Variants in LRCH2 observed in about 807,000 individuals in gnomAD.
LRCH2 encodes leucine-rich repeat and calponin homology domain-containing protein 2.
In LRCH2, 38 loss-of-function variants were observed where a neutral mutation model predicts 68.9. The ratio of observed to expected loss-of-function variants is 0.55; its 90% CI spans 0.43 to 0.72. LRCH2 has a LOEUF of 0.72. Ranked by LOEUF, LRCH2 falls within the 30% of genes least tolerant of loss-of-function variation. The pLI, the probability that LRCH2 is intolerant of heterozygous loss-of-function variation, is 0.00. For missense variants in LRCH2, 528 were observed against 572.9 expected (o/e 0.92, Z 0.80); for synonymous variants, 191 against 208.1 (o/e 0.92, Z 0.71).
In LRCH2 at chrX:115,166,242, A is replaced by C; in HGVS notation, c.1086+13T>G. 1 of 1,132,140 alleles carries C rather than the reference A, an allele frequency of 8.8e-7. No homozygotes were observed. The highest frequency in any genetic ancestry group is 1.9e-5 in the South Asian group (1 of 52,693). 93.3% of individuals were successfully genotyped at this position (1,132,140 alleles called of 1,213,427 possible). A position where few individuals can be genotyped will look rare whatever the true frequency, so the allele number is the denominator to read the frequency against. ...TTGTAAAACAGAATGGATCAGCAAT[A>C]GAAAATACTCACTTCTGTTGTGGAT... On this transcript the variant is annotated intron_variant, in intron 7 of 20. Coordinates refer to ENST00000317135, the MANE Select transcript of LRCH2 (RefSeq NM_020871.4).
intron 1 of LRCH2, among the ~76,000 whole-genome samples, chrX:115,210,944 A>T (rs1161522031): frequency 4.5e-5 from 5 of 111,929 alleles, no homozygotes; most frequent in African/African-American, 1.6e-4. Context: ...TCCCATTTGG[A>T]ATGGCTGTAT....
intron 1 of LRCH2, among the ~76,000 whole-genome samples, chrX:115,225,814 CAT>C (rs201041837): frequency 0.053 from 5,894 of 111,752 alleles, 396 homozygotes; most frequent in African/African-American, 0.18. Context: ...ACAGGAAAGA[CAT>C]ATGACCAACA....
At chrX:115,217,453 C>T (rs995907226) in intron 1 of LRCH2, among the ~76,000 whole-genome samples, 2 of 111,029 alleles carry the variant, frequency 1.8e-5, no homozygotes, top group African/African-American at 3.3e-5. Flanking sequence ...TGTTCAACTC[C>T]CACTTATGAG....
intron 1 of LRCH2, among the ~76,000 whole-genome samples, chrX:115,228,302 A>G (rs1240819840): frequency 2.7e-5 from 3 of 111,746 alleles, no homozygotes; most frequent in Non-Finnish European, 5.6e-5. Context: ...ATAACTGATT[A>G]TAAGAGTATT....
chrX:115,141,186 C>T (rs1287194054), intron 14 of LRCH2, among the ~76,000 whole-genome samples: 1 of 105,649 alleles, frequency 9.5e-6, no homozygotes, highest in African/African-American at 3.5e-5. Context: ...TGCAGTGAGC[C>T]GAGATCACGC....
chrX:115,208,152 T>A (rs1290782729), intron 1 of LRCH2, among the ~76,000 whole-genome samples: 1 of 112,521 alleles, frequency 8.9e-6, no homozygotes, highest in Non-Finnish European at 1.9e-5. Context: ...AAGTTTGTGA[T>A]AATTTGTTAT....
At chrX:115,118,348 C>T (rs1228490572) in intron 20 of LRCH2, among the ~76,000 whole-genome samples, 1 of 110,134 alleles carries the variant, frequency 9.1e-6, no homozygotes, top group Non-Finnish European at 1.9e-5. Flanking sequence ...CACCACTGAT[C>T]CCACAGAAAA....
Position 115,112,315 on chromosome X carries a change from T to C in LRCH2, c.*901A>G, listed in dbSNP as rs2072049432. 8.9e-6 allele frequency: 1 copy of C among 112,073 alleles called. No homozygotes were observed. Among genetic ancestry groups the C allele is most frequent in the South Asian group, 3.7e-4 (1 of 2,722 alleles). 9.2% of individuals were successfully genotyped at this position (112,073 alleles called of 1,213,427 possible). A position where few individuals can be genotyped will look rare whatever the true frequency, so the allele number is the denominator to read the frequency against. ...TTCTCAAAAACTTTACTGCTTTGTGTAACATTTTCAATACAGAAATAAAAT... is the reference window on the plus strand; with the variant it reads ...TTCTCAAAAACTTTACTGCTTTGTGCAACATTTTCAATACAGAAATAAAAT... On this transcript the variant is annotated 3_prime_UTR_variant, in exon 21 of 21. Coordinates refer to ENST00000317135, the MANE Select transcript of LRCH2 (RefSeq NM_020871.4).
rs2072552280 is a variant in LRCH2, at chrX:115,165,552, A to C, written c.1296+6T>G. The C allele has an allele frequency of 8.8e-7, 1 of 1,130,730 alleles. No individual in the cohort carries two copies. Among genetic ancestry groups the C allele is most frequent in the Admixed American group, 2.7e-5 (1 of 37,080 alleles). 93.2% of individuals were successfully genotyped at this position (1,130,730 alleles called of 1,213,427 possible). On this transcript the variant is annotated splice_donor_region_variant and intron_variant, in intron 9 of 20. Transcript: ENST00000317135. Reference sequence around the variant, plus strand: ...GTTATTAATATTTGTTCAAAGTTTTATTTACCTTAAAGAATGATACAAATG... The same window carrying C: ...GTTATTAATATTTGTTCAAAGTTTTCTTTACCTTAAAGAATGATACAAATG...
intron 11 of LRCH2, among the ~76,000 whole-genome samples, chrX:115,162,612 G>A (rs1475482787): frequency 1.8e-5 from 2 of 111,690 alleles, no homozygotes; most frequent in Non-Finnish European, 3.8e-5. Context: ...TAGCAACTGT[G>A]CAAAAAAGAC....
At chrX:115,120,429 A>G (rs2072127837) in intron 20 of LRCH2, among the ~76,000 whole-genome samples, 1 of 87,608 alleles carries the variant, frequency 1.1e-5, no homozygotes, top group African/African-American at 4.4e-5. Context: ...AATGTTCATC[A>G]TCACTGGCCA....
chrX:115,133,873 T>C (rs2072266754), intron 14 of LRCH2, among the ~76,000 whole-genome samples: 1 of 111,831 alleles, frequency 8.9e-6, no homozygotes, highest in African/African-American at 3.3e-5. Flanking sequence ...AAAGAAATAG[T>C]ATGTCTTTCC....
At chrX:115,135,117 TCTTTC>T (rs1435779100) in intron 14 of LRCH2, among the ~76,000 whole-genome samples, 7 of 104,779 alleles carry the variant, frequency 6.7e-5, no homozygotes, top group Non-Finnish European at 1.2e-4. Flanking sequence ...CCTTTTCTTT[TCTTTC>T]TTTTTTTTTT....
rs971532877 is a variant in LRCH2, at chrX:115,221,947, A to G, written c.349+11746T>C. Reference sequence around the variant, plus strand: ...AGAAGGATATTAACAGGAAAAAAAAAAAAAAAGAAAAACCCTGAGGCATCG... The same window carrying G: ...AGAAGGATATTAACAGGAAAAAAAAGAAAAAAGAAAAACCCTGAGGCATCG... On this transcript the variant is annotated intron_variant, in intron 1 of 20. Transcript: ENST00000317135. Among the ~76,000 whole-genome samples the G allele has an allele frequency of 7.3e-5, 8 of 110,198 alleles. 1 individual carries two copies. The highest frequency in any genetic ancestry group is 3.9e-4 in the South Asian group (1 of 2,579).
chrX:115,170,484 T>A, intron 5 of LRCH2, 52 bp from the exon 6 acceptor site: 1 of 946,014 alleles, frequency 1.1e-6, no homozygotes, highest in Non-Finnish European at 1.4e-6. Flanking sequence ...ATAAATGACA[T>A]CTATCATTTT....
chrX:115,191,440 G>T (rs782356890), intron 1 of LRCH2: 2 of 1,147,915 alleles, frequency 1.7e-6, no homozygotes, highest in East Asian at 3.4e-5. Flanking sequence ...CGGAGGAGGA[G>T]GCCGCTACGA....
chrX:115,225,518 T>TA (rs1215524198), intron 1 of LRCH2, among the ~76,000 whole-genome samples: 3 of 111,700 alleles, frequency 2.7e-5, no homozygotes, highest in South Asian at 3.8e-4. Context: ...AAACTCTTAG[T>TA]AAAAAATGTA....
chrX:115,119,943 G>T (rs2147342656), intron 20 of LRCH2, among the ~76,000 whole-genome samples: 1 of 111,355 alleles, frequency 9.0e-6, no homozygotes, highest in Admixed American at 9.5e-5. Flanking sequence ...TTAATAAATG[G>T]TGCTGGGAAA....
chrX:115,208,095 C>T (rs1234078564), intron 1 of LRCH2, among the ~76,000 whole-genome samples: 1 of 112,403 alleles, frequency 8.9e-6, no homozygotes, highest in African/African-American at 3.2e-5. Flanking sequence ...TTCTAACTTT[C>T]AGTCTCCAAA....
Sources: gnomAD v4.1 joint callset for allele counts (sites outside exome capture counted in the v4.1 genomes callset) on GRCh38, gnomAD v4.1.1 for gene constraint, MANE v1.5 for transcripts, NCBI Gene and HGNC (gene_info 2026-07-23, HGNC 2026-07-21) for gene names.